Variants in LIFR observed in about 807,000 individuals in gnomAD.
The protein encoded by LIFR is leukemia inhibitory factor receptor.
LIFR carries 84 observed loss-of-function variants against 122.2 expected under a neutral mutation model. The ratio of observed to expected loss-of-function variants is 0.69; its 90% CI spans 0.58 to 0.82. The LOEUF is 0.82. LIFR is among the 40% of genes least tolerant of loss of function. LIFR has a pLI of 0.00. For synonymous variants in LIFR, 422 were observed against 434.7 expected, an observed-to-expected ratio of 0.97 and a Z score of 0.36; for missense variants, 1,294 against 1,311.6, an observed-to-expected ratio of 0.99 and a Z score of 0.21.
At chr5:38,547,086 A>G (rs370531965) in intron 1 of LIFR, among the ~76,000 whole-genome samples, 1 of 152,196 alleles carries the variant, frequency 6.6e-6, no homozygotes, top group East Asian at 1.9e-4. Flanking sequence ...GCTAACTGCC[A>G]GTTCCAGTGG....
At chr5:38,593,286 T>C (rs1749989732) in intron 1 of LIFR, among the ~76,000 whole-genome samples, 1 of 151,744 alleles carries the variant, frequency 6.6e-6, no homozygotes, top group Non-Finnish European at 1.5e-5. Flanking sequence ...AGTATGAAAC[T>C]GGGGGGGATG....
At chr5:38,530,871 G>C in intron 1 of LIFR, 1 of 507,830 alleles carries the variant, frequency 2.0e-6, no homozygotes, top group Non-Finnish European at 3.5e-6. Flanking sequence ...TCTACTACGA[G>C]GCCAATTTTC....
intron 1 of LIFR, among the ~76,000 whole-genome samples, chr5:38,583,562 G>T (rs1216505381): frequency 1.3e-5 from 2 of 152,076 alleles, no homozygotes; most frequent in Non-Finnish European, 2.9e-5. Flanking sequence ...ATCTGATAAG[G>T]GGTTAATACC....
At chr5:38,526,685 C>T (rs1456926925) in intron 4 of LIFR, among the ~76,000 whole-genome samples, 2 of 152,076 alleles carry the variant, frequency 1.3e-5, no homozygotes, top group African/African-American at 4.8e-5. Flanking sequence ...ATTTTCTTAT[C>T]CCAATACTGT....
rs188216055 is a variant in LIFR at position 38,510,432 on chromosome 5, T to C, written c.991+32A>G. On this transcript the variant is annotated intron_variant, in intron 7 of 19. Transcript: ENST00000453190. ...TTCAAGGAAGACCAAAACAGGTTAA[T>C]AGGAATTCTCTCTTTAAAATCATAT... 4.9e-3 allele frequency: 7,878 copies of C among 1,592,082 alleles called. 25 individuals carry two copies. The highest frequency in any genetic ancestry group is 6.1e-3 in the Non-Finnish European group (7,127 of 1,164,710).
chr5:38,481,447 G>A lies in LIFR; in HGVS notation c.*148C>T. The A allele has an allele frequency of 3.3e-6, 3 of 896,580 alleles. No homozygotes were observed. The highest frequency in any genetic ancestry group is 5.5e-6 in the Non-Finnish European group (3 of 548,426). The allele number at this position is 896,580 out of a possible 1,614,324, so 55.5% of individuals were successfully genotyped here. A position where few individuals can be genotyped will look rare whatever the true frequency, so the allele number is the denominator to read the frequency against. Reference sequence around the variant, plus strand: ...CTTTTAGACTACATTAAAAGCACATGAACACTTTCAGTGTAACTTAACATG... The same window carrying A: ...CTTTTAGACTACATTAAAAGCACATAAACACTTTCAGTGTAACTTAACATG... On this transcript the variant is annotated 3_prime_UTR_variant, in exon 20 of 20. Transcript: ENST00000453190.
At chr5:38,534,205 C>A (rs868042854) in intron 1 of LIFR, among the ~76,000 whole-genome samples, 2 of 152,152 alleles carry the variant, frequency 1.3e-5, no homozygotes, top group Admixed American at 6.5e-5. Context: ...AACTATTTTC[C>A]TTATCCCATT....
At chr5:38,503,899 A>G (rs1019929486) in intron 10 of LIFR, 77 bp downstream of exon 10, 2 of 1,011,690 alleles carry the variant, frequency 2.0e-6, no homozygotes, top group Non-Finnish European at 1.6e-6. Context: ...GAGCTTAAGC[A>G]TATCAATTTG....
chr5:38,580,552 C>A (rs1208998818), intron 1 of LIFR, among the ~76,000 whole-genome samples: 2 of 152,146 alleles, frequency 1.3e-5, no homozygotes, highest in Non-Finnish European at 2.9e-5. Context: ...TGCTACCTGG[C>A]CTTCTGCCCC....
chr5:38,502,783 T>A lies in LIFR; in HGVS notation c.1454A>T (p.Lys485Ile). 6.3e-7 allele frequency: 1 copy of A among 1,599,516 alleles called. No individual in the cohort carries two copies. Among genetic ancestry groups the A allele is most frequent in the Non-Finnish European group, 8.6e-7 (1 of 1,167,972 alleles). Reference protein sequence around the residue: ...SVQEQRNVTIKGVENSSYLVA... With the variant: ...SVQEQRNVTIIGVENSSYLVA... Reference sequence around the variant, plus strand: ...AAGATAACTTGAATTTTCTACTCCTTTGATTGTGACATTCCGCTATTGGAA... The same window carrying A: ...AAGATAACTTGAATTTTCTACTCCTATGATTGTGACATTCCGCTATTGGAA... The change falls in exon 11 of 20, where the codon AAA (lysine) becomes ATA (isoleucine). Residue 485 changes from lysine (K) to isoleucine (I), a missense_variant. Transcript: ENST00000453190.
At chr5:38,506,730 A>G (rs1167362469) in intron 7 of LIFR, 98 bp from the exon 8 acceptor site, 8 of 1,032,596 alleles carry the variant, frequency 7.7e-6, no homozygotes, top group African/African-American at 6.4e-5. Flanking sequence ...TTCCTAAAAA[A>G]TGAAATAATT....
intron 1 of LIFR, among the ~76,000 whole-genome samples, chr5:38,582,817 T>C (rs1749628584): frequency 6.6e-6 from 1 of 152,194 alleles, no homozygotes; most frequent in Non-Finnish European, 1.5e-5. Context: ...GCTTACTTGG[T>C]TTCCTTCTGC....
chr5:38,526,424 T>C (rs933524616), intron 4 of LIFR, among the ~76,000 whole-genome samples: 33 of 149,770 alleles, frequency 2.2e-4, no homozygotes, highest in African/African-American at 8.1e-4. Context: ...ACTGTGTGTG[T>C]GTGTGTGTGT....
intron 1 of LIFR, among the ~76,000 whole-genome samples, chr5:38,536,554 G>A (rs1027985127): frequency 2.0e-5 from 3 of 152,226 alleles, no homozygotes; most frequent in Non-Finnish European, 4.4e-5. Flanking sequence ...CCCCCACAGA[G>A]ATAGAGGGAC....
At chr5:38,490,615 T>TC (rs1744535347) in intron 14 of LIFR, 1 of 170,710 alleles carries the variant, frequency 5.9e-6, no homozygotes, top group South Asian at 1.5e-4. Flanking sequence ...TTTTTTTTTT[T>TC]CTTTGACGGA....
chr5:38,488,666 G>C (rs1039716382), intron 16 of LIFR, among the ~76,000 whole-genome samples: 2 of 152,144 alleles, frequency 1.3e-5, no homozygotes, highest in African/African-American at 4.8e-5. Flanking sequence ...ATAGGCCAAT[G>C]GTTTTTTGTC....
At chr5:38,523,019 A>C (rs2112543102) in intron 5 of LIFR, among the ~76,000 whole-genome samples, 1 of 152,326 alleles carries the variant, frequency 6.6e-6, no homozygotes, top group South Asian at 2.1e-4. Flanking sequence ...AGATTTATAA[A>C]AAAAAATTCT....
chr5:38,485,556 T>C (rs1032292084), intron 17 of LIFR: 1 of 511,320 alleles, frequency 2.0e-6, no homozygotes, highest in African/African-American at 1.9e-5. Flanking sequence ...AAATTCAATA[T>C]GACTTTAGAC....
intron 12 of LIFR, among the ~76,000 whole-genome samples, chr5:38,497,541 A>G (rs1270304216): frequency 6.6e-6 from 1 of 152,200 alleles, no homozygotes; most frequent in Admixed American, 6.5e-5. Context: ...AAATAGCATC[A>G]TGGGTTTTTT....
Sources: allele counts gnomAD v4.1 joint callset (sites outside exome capture counted in the v4.1 genomes callset), GRCh38; gene constraint gnomAD v4.1.1; transcripts MANE v1.5; gene names NCBI Gene and HGNC (gene_info 2026-07-23, HGNC 2026-07-21).